COG3: variants seen among roughly 807,000 people sequenced by gnomAD.
The protein encoded by COG3 is component of oligomeric golgi complex 3.
In COG3, 32 loss-of-function variants were observed where a neutral mutation model predicts 114.1. The ratio of observed to expected loss-of-function variants is 0.28; its 90% CI spans 0.21 to 0.38. COG3 has a LOEUF of 0.38. COG3 is among the 10% of genes least tolerant of loss of function. COG3 has a pLI of 1.00. For synonymous variants in COG3, 352 were observed against 365.7 expected, an observed-to-expected ratio of 0.96 and a Z score of 0.43; for missense variants, 813 against 973.2, an observed-to-expected ratio of 0.84 and a Z score of 2.19.
chr13:45,491,452 G>T lies in COG3; in HGVS notation c.1009G>T (p.Asp337Tyr), dbSNP rs1344731155. The stretch of plus-strand genomic sequence containing the variant: ...AAATGATATCCACCAGTGTTACCTT[G>T]ATCAGCGGGAGCTCCTTTTGGGCCC... ...LLNDIHQCYLDQRELLLGPSI... is the reference protein window; with the variant it reads ...LLNDIHQCYLYQRELLLGPSI... Residue 337 changes from aspartate to tyrosine, a missense_variant, in exon 10 of 23, where the codon GAT becomes TAT. Coordinates refer to ENST00000349995, the MANE Select transcript of COG3 (RefSeq NM_031431.4). 1.9e-6 allele frequency: 3 copies of T among 1,613,396 alleles called. No homozygotes were observed. Among genetic ancestry groups the T allele is most frequent in the Non-Finnish European group, 2.5e-6 (3 of 1,179,712 alleles).
At chr13:45,470,351 C>T (rs1885398269) in intron 1 of COG3, among the ~76,000 whole-genome samples, 1 of 152,114 alleles carries the variant, frequency 6.6e-6, no homozygotes, top group Admixed American at 6.6e-5. Context: ...GAGTTTTGTG[C>T]CTTGAGATTT....
At chr13:45,482,807 C>T (rs1886332096) in intron 6 of COG3, among the ~76,000 whole-genome samples, 1 of 152,090 alleles carries the variant, frequency 6.6e-6, no homozygotes, top group Admixed American at 6.5e-5. Context: ...TCTTGACATG[C>T]CCGGTATTTC....
At chr13:45,480,326 T>C (rs1566244357) in intron 4 of COG3, 36 bp downstream of exon 4, 1 of 1,368,892 alleles carries the variant, frequency 7.3e-7, no homozygotes, top group African/African-American at 1.5e-5. Flanking sequence ...AGTCATTATA[T>C]TTAATATTTT....
In COG3 at chr13:45,536,574, T is replaced by C. The variant is rs1488460895; in HGVS notation, c.*1843T>C. On this transcript the variant is annotated 3_prime_UTR_variant, in exon 23 of 23. Coordinates refer to ENST00000349995, the MANE Select transcript of COG3 (RefSeq NM_031431.4). Reference sequence around the variant, plus strand: ...TGCTTTATATTATTTGGCTAGAAATTGCTGTTTTTAATAAATGTGAATTTT... The same window carrying C: ...TGCTTTATATTATTTGGCTAGAAATCGCTGTTTTTAATAAATGTGAATTTT... 4 of 152,246 alleles carry C rather than the reference T, an allele frequency of 2.6e-5. 1 individual carries two copies. In the South Asian group the frequency reaches 6.2e-4, roughly 24 times the overall value. The allele number at this position is 152,246 out of a possible 1,614,324, so 9.4% of individuals were successfully genotyped here. A position where few individuals can be genotyped will look rare whatever the true frequency, so the allele number is the denominator to read the frequency against.
At chr13:45,533,325 T>C in intron 22 of COG3, among the ~76,000 whole-genome samples, 1 of 152,302 alleles carries the variant, frequency 6.6e-6, no homozygotes, top group East Asian at 1.9e-4. Context: ...AAGTTTAGTT[T>C]GTTATAAATT....
chr13:45,482,631 T>C (rs1246975384), intron 6 of COG3, among the ~76,000 whole-genome samples, 158 bp downstream of exon 6: 3 of 152,212 alleles, frequency 2.0e-5, no homozygotes, highest in East Asian at 3.8e-4. Context: ...GGGAAAAATA[T>C]GTATTTGTAA....
intron 1 of COG3, among the ~76,000 whole-genome samples, chr13:45,469,503 G>A (rs1407828485): frequency 6.6e-6 from 1 of 152,120 alleles, no homozygotes; most frequent in African/African-American, 2.4e-5. Flanking sequence ...TCATTCTAAA[G>A]ACTTAATCAC....
At position 45,514,927 on chromosome 13, in the gene COG3, C is replaced by T. The variant is rs374396082; in HGVS notation, c.1810-1216C>T. On this transcript the variant is annotated intron_variant, in intron 16 of 22. Transcript: ENST00000349995. ...CCTCCCAAAGTGCTGGGATCACAGG[C>T]GTGAGCCACCGCGCCTGGCCAAGCT... 4.3e-4 allele frequency among the ~76,000 whole-genome samples: 65 copies of T among 152,252 alleles called. 1 individual carries two copies. The East Asian group carries it at 8.5e-3, about 20-fold the overall frequency.
At chr13:45,500,604 C>T (rs1438538772) in intron 13 of COG3, among the ~76,000 whole-genome samples, 2 of 152,110 alleles carry the variant, frequency 1.3e-5, no homozygotes, top group Non-Finnish European at 2.9e-5. Flanking sequence ...GAAGGTGGTA[C>T]AGAGTTTTTA....
chr13:45,490,272 A>G (rs1886937909), intron 8 of COG3, among the ~76,000 whole-genome samples: 1 of 152,064 alleles, frequency 6.6e-6, no homozygotes, highest in Non-Finnish European at 1.5e-5. Context: ...AAAAATACAT[A>G]CCTCTTTTGA....
At chr13:45,525,104 A>T in intron 20 of COG3, 53 bp downstream of exon 20, 1 of 1,491,252 alleles carries the variant, frequency 6.7e-7, no homozygotes, top group Non-Finnish European at 9.3e-7. Context: ...ATTAGTTTGC[A>T]TTTATATAGT....
rs759929152 is a variant in COG3 at position 45,486,480 on chromosome 13, C to T, written c.844-15C>T. ...TAATTATCTTCCTTCCTTATCCTCC[C>T]CCATGTTTCTTTAGGATCCTTCATC... On this transcript the variant is annotated splice_polypyrimidine_tract_variant and intron_variant, in intron 7 of 22. Transcript: ENST00000349995. The T allele has an allele frequency of 2.0e-6, 3 of 1,509,310 alleles. No individual in the cohort carries two copies. Among genetic ancestry groups the T allele is most frequent in the Middle Eastern group, 1.7e-4 (1 of 5,868 alleles). 93.5% of individuals were successfully genotyped at this position (1,509,310 alleles called of 1,614,324 possible). A position where few individuals can be genotyped will look rare whatever the true frequency, so the allele number is the denominator to read the frequency against.
At chr13:45,492,815 C>T (rs1361949877) in intron 11 of COG3, among the ~76,000 whole-genome samples, 1 of 152,030 alleles carries the variant, frequency 6.6e-6, no homozygotes, top group Non-Finnish European at 1.5e-5. Context: ...TAGAAGAGTA[C>T]CATTGACAGT....
intron 19 of COG3, among the ~76,000 whole-genome samples, chr13:45,523,803 A>G (rs899090115): frequency 5.3e-5 from 8 of 152,240 alleles, no homozygotes; most frequent in African/African-American, 9.6e-5. Context: ...CACTGTTCCC[A>G]GATTTGTAAA....
At chr13:45,471,749 T>G (rs1298724276) in intron 1 of COG3, among the ~76,000 whole-genome samples, 1 of 152,128 alleles carries the variant, frequency 6.6e-6, no homozygotes, top group Admixed American at 6.5e-5. Context: ...GTCTTTTTTT[T>G]GAGACGGAGT....
intron 1 of COG3, among the ~76,000 whole-genome samples, chr13:45,474,449 A>G (rs1217838162): frequency 6.6e-6 from 1 of 152,120 alleles, no homozygotes; most frequent in African/African-American, 2.4e-5. Context: ...GGCGTGAGCC[A>G]CCGTGCCTGG....
chr13:45,525,116 C>A, intron 20 of COG3, 65 bp downstream of exon 20: 2 of 1,289,086 alleles, frequency 1.6e-6, no homozygotes, highest in Non-Finnish European at 2.2e-6. Context: ...TTATATAGTC[C>A]TTACTGTGAC....
intron 6 of COG3, 36 bp downstream of exon 6, chr13:45,482,509 C>A: frequency 1.0e-6 from 1 of 969,158 alleles, no homozygotes; most frequent in Non-Finnish European, 1.6e-6. Flanking sequence ...TTAAAGAAAT[C>A]CTTAGATTCC....
chr13:45,476,238 C>A lies in COG3; in HGVS notation c.212C>A (p.Ser71Ter). The A allele has an allele frequency of 6.2e-7, 1 of 1,613,798 alleles. No homozygotes were observed. Among genetic ancestry groups the A allele is most frequent in the South Asian group, 1.1e-5 (1 of 91,054 alleles). Residue 71 changes from serine (S) to a stop codon, truncating the protein, a stop_gained, in exon 2 of 23, where the codon TCA becomes TAA. Coordinates refer to ENST00000349995, the MANE Select transcript of COG3 (RefSeq NM_031431.4). LOFTEE classifies it high-confidence loss of function. The part of the protein sequence containing the change: ...IEDLCSLTSQ[S>*]LPIELTSVVP... ...GACTTGTGCAGTTTAACATCCCAGT[C>A]ACTGCCCATTGAACTGACTTCAGTA...
Sources: allele counts gnomAD v4.1 joint callset (sites outside exome capture counted in the v4.1 genomes callset), GRCh38; gene constraint gnomAD v4.1.1; transcripts MANE v1.5; gene names NCBI Gene and HGNC (gene_info 2026-07-23, HGNC 2026-07-21).